KBTBD12: variants seen among roughly 807,000 people sequenced by gnomAD.
KBTBD12 encodes the protein kelch repeat and BTB domain containing 12.
In KBTBD12, 53 loss-of-function variants were observed where a neutral mutation model predicts 58.7. The observed-to-expected ratio is 0.90, with a 90% CI of 0.72 to 1.14. The LOEUF (loss-of-function observed/expected upper bound fraction) is 1.14. Among genes scored for constraint, KBTBD12 ranks in the 50% most tolerant of loss-of-function variants. The pLI is 0.00. For synonymous variants in KBTBD12, 236 were observed against 259.8 expected, an observed-to-expected ratio of 0.91 and a Z score of 0.88; for missense variants, 704 against 751.3, an observed-to-expected ratio of 0.94 and a Z score of 0.74.
At position 127,924,017 on chromosome 3, in the gene KBTBD12, G is replaced by T; in HGVS notation, c.956G>T (p.Gly319Val). Residue 319 changes from glycine to valine, a missense_variant, in exon 2 of 6, where the codon GGT becomes GTT. By Grantham distance (109) the Gly-to-Val change is moderately radical (BLOSUM62 -3). Coordinates refer to ENST00000405109, the MANE Select transcript of KBTBD12 (RefSeq NM_207335.4). ...YFISSPKYGEGLGTVCTGVVM... is the reference protein window; with the variant it reads ...YFISSPKYGEVLGTVCTGVVM... The stretch of plus-strand genomic sequence containing the variant: ...ATCTCATCTCCCAAGTACGGAGAGG[G>T]TTTAGGAACTGTGTGTACTGGTGTT... 10 of 1,613,764 alleles carry T rather than the reference G, an allele frequency of 6.2e-6. No homozygotes were observed. Among genetic ancestry groups the T allele is most frequent in the Non-Finnish European group, 8.5e-6 (10 of 1,179,722 alleles).
intron 1 of KBTBD12, among the ~76,000 whole-genome samples, chr3:127,920,440 A>G (rs1050439863): frequency 7.9e-5 from 12 of 151,572 alleles, no homozygotes; most frequent in African/African-American, 2.9e-4. Flanking sequence ...ATATACTACA[A>G]TCTGATCTCC....
At chr3:127,934,086 A>G (rs1939770626) in intron 4 of KBTBD12, among the ~76,000 whole-genome samples, 1 of 152,148 alleles carries the variant, frequency 6.6e-6, no homozygotes, top group Non-Finnish European at 1.5e-5. Context: ...GTGCAGAAGT[A>G]TTCAATAAAA....
intron 4 of KBTBD12, among the ~76,000 whole-genome samples, chr3:127,948,708 C>G (rs1415637236): frequency 6.6e-6 from 1 of 152,194 alleles, no homozygotes; most frequent in African/African-American, 2.4e-5. Flanking sequence ...GGCTAGGCTC[C>G]TGAGCCCATC....
intron 5 of KBTBD12, among the ~76,000 whole-genome samples, chr3:127,976,907 A>G (rs563507982): frequency 6.6e-6 from 1 of 152,228 alleles, no homozygotes; most frequent in East Asian, 1.9e-4. Context: ...GGTTTGTTAT[A>G]TAGGTAAATT....
chr3:127,939,329 T>C (rs1939897312), intron 4 of KBTBD12, among the ~76,000 whole-genome samples: 1 of 152,126 alleles, frequency 6.6e-6, no homozygotes, highest in South Asian at 2.1e-4. Flanking sequence ...TGCAGAAATA[T>C]ATGGCAGAGA....
chr3:127,979,415 G>A (rs16839745), intron 5 of KBTBD12, among the ~76,000 whole-genome samples: 2,350 of 152,236 alleles, frequency 0.015, 51 homozygotes, highest in African/African-American at 0.052. Context: ...GGATAAATCC[G>A]CAAAATTTGC....
At chr3:127,976,500 C>T (rs1211009812) in intron 5 of KBTBD12, among the ~76,000 whole-genome samples, 2 of 152,182 alleles carry the variant, frequency 1.3e-5, no homozygotes, top group Non-Finnish European at 2.9e-5. Flanking sequence ...TATACATTCC[C>T]GGCTGGAATA....
At chr3:127,952,282 T>G (rs1940222489) in intron 4 of KBTBD12, among the ~76,000 whole-genome samples, 1 of 152,178 alleles carries the variant, frequency 6.6e-6, no homozygotes, top group African/African-American at 2.4e-5. Flanking sequence ...TAAAATAACT[T>G]TTTAAAATAT....
At chr3:127,921,441 G>C (rs561202438) in intron 1 of KBTBD12, among the ~76,000 whole-genome samples, 1 of 152,226 alleles carries the variant, frequency 6.6e-6, no homozygotes, top group South Asian at 2.1e-4. Flanking sequence ...AGAAGCCAAG[G>C]TTTAGGCTAA....
intron 1 of KBTBD12, among the ~76,000 whole-genome samples, chr3:127,921,971 T>C (rs1430513067): frequency 1.3e-5 from 2 of 152,144 alleles, no homozygotes; most frequent in Non-Finnish European, 2.9e-5. Context: ...CCATCAATGT[T>C]ATTCTCACTG....
chr3:127,963,209 C>G lies in KBTBD12; in HGVS notation c.1513C>G (p.Gln505Glu). The G allele has an allele frequency of 6.2e-7, 1 of 1,609,390 alleles. No individual in the cohort carries two copies. The highest frequency in any genetic ancestry group is 8.5e-7 in the Non-Finnish European group (1 of 1,177,878). The change falls in exon 5 of 6, where the codon CAA becomes GAA. Residue 505 changes from glutamine (Q) to glutamate (E), a missense_variant. Physicochemically the swap from Gln to Glu is conservative, Grantham distance 29. Coordinates refer to ENST00000405109, the MANE Select transcript of KBTBD12 (RefSeq NM_207335.4). ...YVLGGIGCVG[Q>E]DKGQVRKCLD... ...TGCAGGTGGCATTGGCTGTGTAGGT[C>G]AAGACAAGGGCCAGGTTCGAAAATG...
intron 5 of KBTBD12, among the ~76,000 whole-genome samples, chr3:127,972,945 G>A (rs565509739): frequency 6.6e-6 from 1 of 152,108 alleles, no homozygotes; most frequent in Non-Finnish European, 1.5e-5. Flanking sequence ...TAAAAGCATC[G>A]GTTGAAAGGT....
chr3:127,941,113 C>A (rs896583540), intron 4 of KBTBD12, among the ~76,000 whole-genome samples: 1 of 152,140 alleles, frequency 6.6e-6, no homozygotes, highest in Admixed American at 6.5e-5. Flanking sequence ...TTTAACCAAG[C>A]ATTTAAAAAT....
intron 2 of KBTBD12, among the ~76,000 whole-genome samples, chr3:127,926,591 C>T (rs1324036646): frequency 1.3e-5 from 2 of 152,152 alleles, no homozygotes; most frequent in Non-Finnish European, 2.9e-5. Flanking sequence ...TCTAACTGCC[C>T]TGTCAAGCCT....
intron 5 of KBTBD12, among the ~76,000 whole-genome samples, chr3:127,964,334 G>T (rs989582287): frequency 6.6e-6 from 1 of 152,054 alleles, no homozygotes; most frequent in Non-Finnish European, 1.5e-5. Flanking sequence ...CACATGATAT[G>T]TTAAAGAATA....
Position 127,933,869 on chromosome 3 carries a change from G to A in KBTBD12, c.1492+3586G>A, listed in dbSNP as rs114238776. On this transcript the variant is annotated intron_variant, in intron 4 of 5. Transcript: ENST00000405109. Reference sequence around the variant, plus strand: ...GAAACTGCCGCAAACAGTAGAAGAGGCATGTTCCGTTTAGGTAAATTAGTT... The same window carrying A: ...GAAACTGCCGCAAACAGTAGAAGAGACATGTTCCGTTTAGGTAAATTAGTT... Among the ~76,000 whole-genome samples, 1,500 of 152,214 alleles carry A rather than the reference G, an allele frequency of 9.9e-3. 27 individuals are homozygous for A. The highest frequency in any genetic ancestry group is 0.034 in the African/African-American group (1,427 of 41,530).
At position 127,985,612 on chromosome 3, in the gene KBTBD12, C is replaced by T. The variant is rs1940950990; in HGVS notation, c.*1334C>T. 6.6e-6 allele frequency: 1 copy of T among 152,376 alleles called. No homozygotes were observed. Among genetic ancestry groups the T allele is most frequent in the Non-Finnish European group, 1.5e-5 (1 of 68,098 alleles). The allele number at this position is 152,376 out of a possible 1,614,324, so 9.4% of individuals were successfully genotyped here. On this transcript the variant is annotated 3_prime_UTR_variant, in exon 6 of 6. Transcript: ENST00000405109. ...TGATTGTGATGACCGCTAGCCTGTG[C>T]CCCTAGGTTCCAGCTGCCCACCAGG...
In KBTBD12 at chr3:127,923,171, CAGA is replaced by C. The variant is rs577666989; in HGVS notation, c.113_115del (p.Glu38del). On this transcript the variant is annotated inframe_deletion, in exon 2 of 6. Coordinates refer to ENST00000405109, the MANE Select transcript of KBTBD12 (RefSeq NM_207335.4). ...GAAATGATTGATGTGGTACTCACAGCAGAAGGAGAGAAATTTCCTTGCCACAGA... is the reference window on the plus strand; with the variant it reads ...GAAATGATTGATGTGGTACTCACAGCAGGAGAGAAATTTCCTTGCCACAGA... 180 of 1,613,356 alleles carry C rather than the reference CAGA, an allele frequency of 1.1e-4. No homozygotes were observed. Among genetic ancestry groups the C allele is most frequent in the South Asian group, 4.8e-4 (44 of 91,048 alleles).
At chr3:127,924,507 C>T (rs1402886337) in intron 2 of KBTBD12, among the ~76,000 whole-genome samples, 1 of 151,460 alleles carries the variant, frequency 6.6e-6, no homozygotes, top group African/African-American at 2.4e-5. Context: ...TTGTTATGAT[C>T]CCATTTTAGT....
Sources: allele counts gnomAD v4.1 joint callset (sites outside exome capture counted in the v4.1 genomes callset), GRCh38; gene constraint gnomAD v4.1.1; transcripts MANE v1.5; gene names NCBI Gene and HGNC (gene_info 2026-07-23, HGNC 2026-07-21).